Variants in CLINT1 observed in about 807,000 individuals in gnomAD.
CLINT1 encodes the protein clathrin interactor 1, also known as clathrin interacting protein localized in the trans-Golgi region.
In CLINT1, 15 loss-of-function variants were observed where a neutral mutation model predicts 70.4. The observed-to-expected ratio is 0.21, with a 90% confidence interval of 0.14 to 0.33. The LOEUF (loss-of-function observed/expected upper bound fraction) is 0.33, where lower values mean the gene tolerates loss of function less well. Among genes scored for constraint, CLINT1 ranks in the 10% least tolerant of loss-of-function variants. CLINT1 has a pLI of 1.00. For synonymous variants in CLINT1, 227 were observed against 254.7 expected, an observed-to-expected ratio of 0.89 and a Z score of 1.04; for missense variants, 615 against 778.1, an observed-to-expected ratio of 0.79 and a Z score of 2.49.
chr5:157,801,848 C>T (rs1471278030), intron 8 of CLINT1, among the ~76,000 whole-genome samples: 2 of 151,528 alleles, frequency 1.3e-5, no homozygotes, highest in Non-Finnish European at 2.9e-5. Context: ...ACTAAACTAT[C>T]AGTGAAAAGT....
chr5:157,824,081 T>C (rs1762958485), intron 1 of CLINT1, among the ~76,000 whole-genome samples: 1 of 152,230 alleles, frequency 6.6e-6, no homozygotes, highest in Non-Finnish European at 1.5e-5. Flanking sequence ...AGACCACTGC[T>C]GCAGAAGACA....
intron 8 of CLINT1, among the ~76,000 whole-genome samples, chr5:157,799,303 G>A (rs1296045833): frequency 6.6e-6 from 1 of 152,048 alleles, no homozygotes; most frequent in African/African-American, 2.4e-5. Context: ...TACTAAGAAT[G>A]GAACAAGGTG....
chr5:157,798,011 GTT>G (rs1762113912), intron 8 of CLINT1, among the ~76,000 whole-genome samples: 1 of 152,096 alleles, frequency 6.6e-6, no homozygotes, highest in African/African-American at 2.4e-5. Context: ...CTCTGAAAAT[GTT>G]TTTTCTCTCT....
At chr5:157,830,218 G>T (rs1763180032) in intron 1 of CLINT1, among the ~76,000 whole-genome samples, 1 of 152,184 alleles carries the variant, frequency 6.6e-6, no homozygotes, top group Non-Finnish European at 1.5e-5. Flanking sequence ...AAAGTGCTGG[G>T]ATTACAGGCA....
At position 157,786,419 on chromosome 5, in the gene CLINT1, G is replaced by A. The variant is rs1423804775; in HGVS notation, c.*1227C>T. 6.6e-6 allele frequency: 1 copy of A among 152,388 alleles called. No individual in the cohort carries two copies. Among genetic ancestry groups the A allele is most frequent in the African/African-American group, 2.4e-5 (1 of 41,364 alleles). The allele number at this position is 152,388 out of a possible 1,614,324, so 9.4% of individuals were successfully genotyped here. On this transcript the variant is annotated 3_prime_UTR_variant, in exon 12 of 12. Coordinates refer to ENST00000411809, the MANE Select transcript of CLINT1 (RefSeq NM_014666.4). ...GTAATAATTTGATATCTATATTATA[G>A]TATTTATTTTGAAAAATATTCCCAG...
rs1264341056 is a variant in CLINT1 at position 157,786,882 on chromosome 5, C to T, written c.*764G>A. 6.6e-6 allele frequency: 1 copy of T among 152,168 alleles called. No individual in the cohort carries two copies. The highest frequency in any genetic ancestry group is 1.5e-5 in the Non-Finnish European group (1 of 68,012). 9.4% of individuals were successfully genotyped at this position (152,168 alleles called of 1,614,324 possible). A position where few individuals can be genotyped will look rare whatever the true frequency, so the allele number is the denominator to read the frequency against. On this transcript the variant is annotated 3_prime_UTR_variant, in exon 12 of 12. Coordinates refer to ENST00000411809, the MANE Select transcript of CLINT1 (RefSeq NM_014666.4). ...AATCACTGCAAATTGTAAATAATGA[C>T]TGCTAAAAACAAACAGAAGTTTTTT...
intron 8 of CLINT1, among the ~76,000 whole-genome samples, chr5:157,802,567 G>T (rs1291305912): frequency 1.3e-5 from 2 of 148,330 alleles, no homozygotes; most frequent in Non-Finnish European, 3.0e-5. Flanking sequence ...TTCCGAGATG[G>T]AGTTTTTCAC....
At chr5:157,839,457 T>G (rs1763540471) in intron 1 of CLINT1, among the ~76,000 whole-genome samples, 1 of 151,786 alleles carries the variant, frequency 6.6e-6, no homozygotes, top group African/African-American at 2.4e-5. Context: ...AAAAATCAGC[T>G]GGGTGTGGTA....
chr5:157,855,196 C>G (rs927301026), intron 1 of CLINT1, among the ~76,000 whole-genome samples: 2 of 144,390 alleles, frequency 1.4e-5, no homozygotes, highest in African/African-American at 5.2e-5. Flanking sequence ...AGATTTACCA[C>G]TAATATTACT....
intron 1 of CLINT1, among the ~76,000 whole-genome samples, chr5:157,853,777 C>CAAAAA (rs11316474): frequency 8.5e-4 from 41 of 47,998 alleles, no homozygotes; most frequent in East Asian, 3.3e-3. Flanking sequence ...GACACCATCT[C>CAAAAA]AAAAAAAAAA....
In CLINT1 at chr5:157,791,696, A is replaced by AACTT; in HGVS notation, c.1380+3_1380+6dup. On this transcript the variant is annotated splice_region_variant and intron_variant, in intron 10 of 11. Transcript: ENST00000411809. ...ATAACAAATTCCAAGGGAACCAGACAACTTACCTGTGATCTTGACATAGGC... is the reference window on the plus strand; with the variant it reads ...ATAACAAATTCCAAGGGAACCAGACAACTTACTTACCTGTGATCTTGACATAGGC... The AACTT allele has an allele frequency of 6.2e-7, 1 of 1,601,128 alleles. No individual in the cohort carries two copies.
chr5:157,822,296 A>G (rs1179895121), intron 1 of CLINT1, among the ~76,000 whole-genome samples: 2 of 152,010 alleles, frequency 1.3e-5, no homozygotes, highest in Non-Finnish European at 2.9e-5. Flanking sequence ...GTATGCTGCA[A>G]CCGTTAACTC....
At chr5:157,806,334 A>C (rs1762383267) in intron 6 of CLINT1, among the ~76,000 whole-genome samples, 1 of 152,218 alleles carries the variant, frequency 6.6e-6, no homozygotes, top group Non-Finnish European at 1.5e-5. Flanking sequence ...TATAAGTCTA[A>C]AATACTGCTA....
intron 1 of CLINT1, among the ~76,000 whole-genome samples, chr5:157,854,921 A>G (rs1179534091): frequency 6.6e-6 from 1 of 152,074 alleles, no homozygotes; most frequent in East Asian, 1.9e-4. Flanking sequence ...AGGTGGGTGG[A>G]TCACCTGAGG....
chr5:157,835,663 G>C (rs773790639), intron 1 of CLINT1, among the ~76,000 whole-genome samples: 1 of 152,094 alleles, frequency 6.6e-6, no homozygotes, highest in Admixed American at 6.6e-5. Context: ...TGGAAAGGAA[G>C]AAAGGGGAGC....
chr5:157,796,369 A>C (rs1762066811), intron 8 of CLINT1, among the ~76,000 whole-genome samples: 1 of 152,204 alleles, frequency 6.6e-6, no homozygotes, highest in Admixed American at 6.5e-5. Flanking sequence ...TTCAAGTTGT[A>C]ATATTCCTTT....
chr5:157,852,203 G>A (rs774075632), intron 1 of CLINT1, among the ~76,000 whole-genome samples: 2 of 152,278 alleles, frequency 1.3e-5, no homozygotes, highest in Non-Finnish European at 2.9e-5. Flanking sequence ...AAAATATTAA[G>A]AATTGGCAGA....
Position 157,791,831 on chromosome 5 carries a change from A to G in CLINT1, c.1252T>C (p.Ser418Pro). 1 of 1,614,004 alleles carries G rather than the reference A, an allele frequency of 6.2e-7. No individual in the cohort carries two copies. The change falls in exon 10 of 12, where the codon TCA (serine) becomes CCA (proline). Residue 418 changes from serine to proline, a missense_variant. Around this residue, in one of 2 missense-constraint regions of CLINT1, gnomAD observed 374 missense variants for 409.6 expected, o/e 0.91. Transcript: ENST00000411809. ...QSALGPPPAASNSSDLFDLMG... is the reference protein window; with the variant it reads ...QSALGPPPAAPNSSDLFDLMG... ...AGATCAAACAGGTCTGAAGAATTTG[A>G]GGCAGCAGGAGGTGGGCCTAGAGCT...
intron 8 of CLINT1, among the ~76,000 whole-genome samples, chr5:157,801,169 A>G (rs534318321): frequency 6.6e-6 from 1 of 152,342 alleles, no homozygotes; most frequent in East Asian, 1.9e-4. Flanking sequence ...TTTTAGGAAC[A>G]GTTTGCAGTT....
Sources: gnomAD v4.1 joint callset for allele counts (sites outside exome capture counted in the v4.1 genomes callset) on GRCh38, gnomAD v4.1.1 for gene constraint, gnomAD v4.1.1 regional missense constraint, MANE v1.5 for transcripts, NCBI Gene and HGNC (gene_info 2026-07-23, HGNC 2026-07-21) for gene names.